COPS3: variants seen among roughly 807,000 people sequenced by gnomAD.
COPS3 encodes the protein COP9 signalosome subunit 3.
COPS3 carries 10 observed loss-of-function variants against 58.2 expected under a neutral mutation model. The ratio of observed to expected loss-of-function variants is 0.17; its 90% CI spans 0.11 to 0.29. The LOEUF (loss-of-function observed/expected upper bound fraction) is 0.29. COPS3 is among the 10% of genes least tolerant of loss of function. The pLI, the probability that COPS3 is intolerant of heterozygous loss-of-function variation, is 1.00. For synonymous variants in COPS3, 187 were observed against 181.7 expected, an observed-to-expected ratio of 1.03 and a Z score of -0.24; for missense variants, 333 against 510.1, an observed-to-expected ratio of 0.65 and a Z score of 3.34.
intron 4 of COPS3, among the ~76,000 whole-genome samples, chr17:17,270,090 G>C (rs992897912): frequency 6.6e-6 from 1 of 152,002 alleles, no homozygotes; most frequent in African/African-American, 2.4e-5. Flanking sequence ...CTGGGAGGTG[G>C]AGGTTGCAGT....
intron 9 of COPS3, among the ~76,000 whole-genome samples, chr17:17,252,819 T>C (rs960519040): frequency 6.6e-6 from 1 of 152,234 alleles, no homozygotes; most frequent in African/African-American, 2.4e-5. Flanking sequence ...ACCAAGATGC[T>C]CTTAGCAGAC....
chr17:17,257,721 C>T (rs1448711095), intron 8 of COPS3, among the ~76,000 whole-genome samples: 2 of 148,610 alleles, frequency 1.3e-5, no homozygotes, highest in South Asian at 2.1e-4. Flanking sequence ...GGCGTGAACC[C>T]GGGAGGTGGA....
At chr17:17,279,208 G>A (rs549390713) in intron 1 of COPS3, among the ~76,000 whole-genome samples, 1 of 152,208 alleles carries the variant, frequency 6.6e-6, no homozygotes, top group South Asian at 2.1e-4. Context: ...GTGAGTGTGA[G>A]GCACAGTAGC....
At chr17:17,254,063 T>C (rs962669313) in intron 9 of COPS3, among the ~76,000 whole-genome samples, 2 of 150,970 alleles carry the variant, frequency 1.3e-5, no homozygotes, top group Non-Finnish European at 1.5e-5. Flanking sequence ...TCCCAACAAT[T>C]TGGGAGGCCT....
At chr17:17,249,455 C>G (rs1374372263) in intron 9 of COPS3, among the ~76,000 whole-genome samples, 1 of 152,116 alleles carries the variant, frequency 6.6e-6, no homozygotes, top group Non-Finnish European at 1.5e-5. Context: ...TCCCAAGTAA[C>G]TGGGATTACA....
intron 5 of COPS3, among the ~76,000 whole-genome samples, chr17:17,265,287 C>G (rs1204599691): frequency 6.6e-6 from 1 of 152,054 alleles, no homozygotes; most frequent in African/African-American, 2.4e-5. Context: ...CTAAAGATTT[C>G]AGATTTTGGA....
intron 1 of COPS3, chr17:17,280,709 C>G (rs753559589): frequency 2.4e-5 from 31 of 1,265,368 alleles, no homozygotes; most frequent in Non-Finnish European, 6.2e-6. Flanking sequence ...GCCTCCCGCC[C>G]GCTCCCGGCG....
At chr17:17,266,853 G>C (rs897470324) in intron 5 of COPS3, among the ~76,000 whole-genome samples, 1 of 151,280 alleles carries the variant, frequency 6.6e-6, no homozygotes, top group African/African-American at 2.4e-5. Context: ...TAAGAAGTTA[G>C]CTATGTTAAG....
At chr17:17,280,813 C>A (rs1023716118) in intron 1 of COPS3, 2 of 1,247,484 alleles carry the variant, frequency 1.6e-6, no homozygotes, top group Admixed American at 3.5e-5. Flanking sequence ...AATAGTCGCC[C>A]GAGATGGCTC....
intron 2 of COPS3, 98 bp from the exon 3 acceptor site, chr17:17,271,106 G>T: frequency 2.4e-6 from 2 of 844,408 alleles, no homozygotes; most frequent in Non-Finnish European, 3.9e-6. Flanking sequence ...CCAATACTCT[G>T]TAAAATTAAA....
At chr17:17,252,361 C>T (rs2145191508) in intron 9 of COPS3, among the ~76,000 whole-genome samples, 1 of 139,716 alleles carries the variant, frequency 7.2e-6, no homozygotes, top group Non-Finnish European at 1.6e-5. Context: ...GTGGGCTGTC[C>T]AGGGTACAGA....
At position 17,270,953 on chromosome 17, in the gene COPS3, C is replaced by G; in HGVS notation, c.241G>C (p.Val81Leu). The G allele has an allele frequency of 6.2e-7, 1 of 1,613,822 alleles. No homozygotes were observed. The highest frequency in any genetic ancestry group is 8.5e-7 in the Non-Finnish European group (1 of 1,179,988). The change falls in exon 3 of 12, where the codon GTT (valine) becomes CTT (leucine). Residue 81 changes from valine to leucine, a missense_variant. Val to Leu is a conservative substitution (Grantham distance 32). Transcript: ENST00000268717. ...TTACAAGTGCTGATGAAGAGCTGAA[C>G]CTGTGAGAATAGCGTTTCGAAGTCA... The part of the protein sequence containing the change: ...VPDFETLFSQ[V>L]QLFISTCNGE...
intron 5 of COPS3, among the ~76,000 whole-genome samples, chr17:17,266,611 C>G (rs926446109): frequency 6.6e-6 from 1 of 151,574 alleles, no homozygotes; most frequent in African/African-American, 2.4e-5. Context: ...CCAGCCTGAC[C>G]AAAATGGTGA....
At chr17:17,280,300 G>A (rs939561278) in intron 1 of COPS3, among the ~76,000 whole-genome samples, 1 of 152,168 alleles carries the variant, frequency 6.6e-6, no homozygotes, top group Non-Finnish European at 1.5e-5. Context: ...CTACTCGGGA[G>A]GCTGAGACAG....
intron 4 of COPS3, among the ~76,000 whole-genome samples, chr17:17,269,518 G>A (rs924661221): frequency 6.6e-6 from 1 of 151,974 alleles, no homozygotes; most frequent in Non-Finnish European, 1.5e-5. Context: ...ATCGCCTGAA[G>A]CTGGAAGGTG....
intron 8 of COPS3, among the ~76,000 whole-genome samples, chr17:17,255,915 A>G (rs990086437): frequency 6.6e-6 from 1 of 150,962 alleles, no homozygotes; most frequent in African/African-American, 2.4e-5. Flanking sequence ...CATGCCTGTA[A>G]TCTCAGCACT....
intron 10 of COPS3, 42 bp from the exon 11 acceptor site, chr17:17,247,602 A>G (rs752924351): frequency 3.2e-6 from 5 of 1,587,000 alleles, no homozygotes; most frequent in Non-Finnish European, 4.3e-6. Flanking sequence ...CGGCGGGTTT[A>G]GGTCAGCTGC....
At chr17:17,255,376 G>C (rs1368339457) in intron 8 of COPS3, among the ~76,000 whole-genome samples, 2 of 151,452 alleles carry the variant, frequency 1.3e-5, no homozygotes, top group African/African-American at 2.4e-5. Flanking sequence ...TACTTGGGAG[G>C]CTGAGACAAG....
intron 9 of COPS3, 94 bp downstream of exon 9, chr17:17,254,765 G>A: frequency 2.8e-6 from 2 of 724,512 alleles, no homozygotes; most frequent in South Asian, 3.7e-5. Flanking sequence ...AGCCAAGACT[G>A]TGCCACTACA....
Sources: gnomAD v4.1 joint callset for allele counts (sites outside exome capture counted in the v4.1 genomes callset) on GRCh38, gnomAD v4.1.1 for gene constraint, MANE v1.5 for transcripts, NCBI Gene and HGNC (gene_info 2026-07-23, HGNC 2026-07-21) for gene names.